The following KIF26B variants were observed in gnomAD, a reference collection of about 807,000 sequenced individuals.
KIF26B encodes the protein kinesin family member 26B, also known as kinesin-like protein KIF26B.
In KIF26B, 63 loss-of-function variants were observed where a neutral mutation model predicts 151.2. That is an observed-to-expected ratio of 0.42 (90% confidence interval 0.34 to 0.51). The LOEUF (loss-of-function observed/expected upper bound fraction) is 0.51. KIF26B is among the 20% of genes least tolerant of loss of function. KIF26B has a pLI of 0.07. For missense variants in KIF26B, 2,813 were observed against 2,913.6 expected (o/e 0.97, Z 0.79); for synonymous variants, 1,357 against 1,262.1 (o/e 1.08, Z -1.59).
At chr1:245,268,064 C>T (rs564345296) in intron 2 of KIF26B, among the ~76,000 whole-genome samples, 6 of 152,086 alleles carry the variant, frequency 3.9e-5, no homozygotes, top group Non-Finnish European at 5.9e-5. Context: ...CCTAGCACTT[C>T]GGGACATGGG....
intron 2 of KIF26B, among the ~76,000 whole-genome samples, chr1:245,350,107 G>A (rs557806872): frequency 2.4e-4 from 37 of 151,862 alleles, no homozygotes; most frequent in Non-Finnish European, 5.1e-4. Flanking sequence ...TTCAACCAGC[G>A]GTTCCAAAGA....
At chr1:245,235,589 C>CAAAGA (rs1215020140) in intron 2 of KIF26B, among the ~76,000 whole-genome samples, 1 of 146,278 alleles carries the variant, frequency 6.8e-6, no homozygotes, top group Non-Finnish European at 1.5e-5. Context: ...ACTCTGGAAA[C>CAAAGA]AAAGAAAAGA....
intron 2 of KIF26B, among the ~76,000 whole-genome samples, chr1:245,235,125 G>A (rs1489443785): frequency 6.6e-6 from 1 of 152,134 alleles, no homozygotes; most frequent in African/African-American, 2.4e-5. Flanking sequence ...TTCCTTTGTG[G>A]AGCTGATGTG....
At chr1:245,630,688 A>G (rs2043771943) in intron 9 of KIF26B, among the ~76,000 whole-genome samples, 1 of 152,192 alleles carries the variant, frequency 6.6e-6, no homozygotes. Context: ...ACCATAGTAC[A>G]TGGATAACTA....
At position 245,687,420 on chromosome 1, in the gene KIF26B, G is replaced by C; in HGVS notation, c.4437G>C (p.Glu1479Asp). 6.3e-7 allele frequency: 1 copy of C among 1,588,990 alleles called. No homozygotes were observed. Among genetic ancestry groups the C allele is most frequent in the Non-Finnish European group, 8.6e-7 (1 of 1,168,014 alleles). Residue 1479 changes from glutamate (E) to aspartate (D), a missense_variant, in exon 12 of 15, where the codon GAG becomes GAC. This residue lies in a region of KIF26B where 2,060 missense variants were observed against 2,088.6 expected (regional missense o/e 0.99). Transcript: ENST00000407071. The surrounding 1 kb of genome is among the most constrained non-coding windows in gnomAD (Gnocchi z 4.9). ...PSNAETRAEQ[E>D]QDGKPSPGDR... ...ATGCTGAGACCAGAGCAGAGCAGGAGCAGGACGGAAAGCCCAGTCCGGGAG... is the reference window on the plus strand; with the variant it reads ...ATGCTGAGACCAGAGCAGAGCAGGACCAGGACGGAAAGCCCAGTCCGGGAG...
chr1:245,646,365 C>T lies in KIF26B; in HGVS notation c.2258+85C>T, dbSNP rs144971303. 1,235 of 1,433,168 alleles carry T rather than the reference C, an allele frequency of 8.6e-4. 7 individuals are homozygous for T. The African/African-American group carries it at 0.015, about 17-fold the overall frequency. 88.8% of individuals were successfully genotyped at this position (1,433,168 alleles called of 1,614,324 possible). A position where few individuals can be genotyped will look rare whatever the true frequency, so the allele number is the denominator to read the frequency against. ...TCAGTGCCATCTGTGGAGAGGTGTG[C>T]CACAGAGGGACAGCCTGGACCCCAT... On this transcript the variant is annotated intron_variant, in intron 10 of 14. Coordinates refer to ENST00000407071, the MANE Select transcript of KIF26B (RefSeq NM_018012.4).
At chr1:245,521,314 CTGAG>C (rs1174384631) in intron 4 of KIF26B, among the ~76,000 whole-genome samples, 1 of 150,534 alleles carries the variant, frequency 6.6e-6, no homozygotes, top group Non-Finnish European at 1.5e-5. Flanking sequence ...TCCATCCAGC[CTGAG>C]TGACAGAGCG....
intron 14 of KIF26B, among the ~76,000 whole-genome samples, chr1:245,701,800 G>T (rs2044775859): frequency 6.6e-6 from 1 of 152,126 alleles, no homozygotes; most frequent in African/African-American, 2.4e-5. Flanking sequence ...CACCACCTTG[G>T]ACTGCTGTCC....
At chr1:245,581,353 G>T (rs1158526934) in intron 5 of KIF26B, among the ~76,000 whole-genome samples, 2 of 152,176 alleles carry the variant, frequency 1.3e-5, no homozygotes, top group Admixed American at 1.3e-4. Flanking sequence ...GAATAGCATT[G>T]GGTTTTGCTG....
At chr1:245,680,919 G>A (rs1465380230) in intron 10 of KIF26B, among the ~76,000 whole-genome samples, 1 of 152,110 alleles carries the variant, frequency 6.6e-6, no homozygotes, top group African/African-American at 2.4e-5. Context: ...TTAGCACTGT[G>A]TTTTTCATAT....
chr1:245,371,366 T>C (rs1673117983), intron 3 of KIF26B: 1 of 152,262 alleles, frequency 6.6e-6, no homozygotes, highest in South Asian at 2.1e-4. Flanking sequence ...TTGACTGCTC[T>C]GAAAGCTGAC....
At chr1:245,617,759 G>A (rs921410948) in intron 9 of KIF26B, among the ~76,000 whole-genome samples, 9 of 152,112 alleles carry the variant, frequency 5.9e-5, no homozygotes, top group South Asian at 4.1e-4. Context: ...CACCGCCTCC[G>A]TTTCTAATCT....
intron 4 of KIF26B, among the ~76,000 whole-genome samples, chr1:245,439,836 C>T (rs1251707228): frequency 2.0e-5 from 3 of 152,160 alleles, no homozygotes; most frequent in African/African-American, 4.8e-5. Flanking sequence ...TGGACATCAT[C>T]GGAAAGAATA....
At chr1:245,502,667 G>C (rs539239681) in intron 4 of KIF26B, among the ~76,000 whole-genome samples, 4 of 152,100 alleles carry the variant, frequency 2.6e-5, no homozygotes, top group Admixed American at 2.6e-4. Flanking sequence ...GTATGTATTT[G>C]TTGAATGAAT....
chr1:245,202,964 A>AC (rs56215352), intron 2 of KIF26B, among the ~76,000 whole-genome samples: 11 of 145,290 alleles, frequency 7.6e-5, no homozygotes, highest in Non-Finnish European at 1.7e-4. Flanking sequence ...ACAAAACAAA[A>AC]ACAAAAAAGG....
intron 2 of KIF26B, among the ~76,000 whole-genome samples, chr1:245,325,773 G>T (rs148684201): frequency 6.6e-6 from 1 of 152,058 alleles, no homozygotes; most frequent in African/African-American, 2.4e-5. Flanking sequence ...GAATAGGAAC[G>T]TCAATTCAAT....
intron 4 of KIF26B, among the ~76,000 whole-genome samples, chr1:245,464,394 T>G (rs200167793): frequency 3.8e-4 from 57 of 150,320 alleles, no homozygotes; most frequent in Non-Finnish European, 6.7e-4. Flanking sequence ...TGTGTGTGTG[T>G]GGGTGTGTGC....
intron 4 of KIF26B, among the ~76,000 whole-genome samples, chr1:245,470,046 A>G (rs1191030060): frequency 5.3e-5 from 8 of 151,878 alleles, no homozygotes; most frequent in Non-Finnish European, 1.2e-4. Context: ...CCTTGAAAGA[A>G]CCGATAGGAT....
chr1:245,172,833 C>T (rs980531485), intron 2 of KIF26B, among the ~76,000 whole-genome samples: 43 of 152,084 alleles, frequency 2.8e-4, no homozygotes, highest in African/African-American at 9.9e-4. Flanking sequence ...AAAAACAAAA[C>T]AAAGAGGGTG....
Sources: gnomAD v4.1 joint callset for allele counts (sites outside exome capture counted in the v4.1 genomes callset) on GRCh38, gnomAD v4.1.1 for gene constraint, gnomAD v4.1.1 regional missense constraint, Gnocchi (gnomAD v3.1) non-coding constraint, MANE v1.5 for transcripts, NCBI Gene and HGNC (gene_info 2026-07-23, HGNC 2026-07-21) for gene names.